The following PHLDB2 variants were observed in gnomAD, a reference collection of about 807,000 sequenced individuals.
The protein encoded by PHLDB2 is pleckstrin homology-like domain family B member 2.
Under a neutral mutation model 123.6 loss-of-function variants are expected in PHLDB2, and 71 were observed. That is an observed-to-expected ratio of 0.57 (90% CI 0.47 to 0.70). The LOEUF is 0.70. Among genes scored for constraint, PHLDB2 ranks in the 30% least tolerant of loss-of-function variants. The pLI, the probability that PHLDB2 is intolerant of heterozygous loss-of-function variation, is 0.00. For synonymous variants in PHLDB2, 547 were observed against 541.6 expected (o/e 1.01, Z -0.14); for missense variants, 1,446 against 1,519.5 (o/e 0.95, Z 0.80).
At chr3:111,751,168 G>GGGGT (rs752825947) in intron 1 of PHLDB2, among the ~76,000 whole-genome samples, 27 of 144,046 alleles carry the variant, frequency 1.9e-4, no homozygotes, top group African/African-American at 2.8e-4. Flanking sequence ...GAGACAATGG[G>GGGGT]GTGTGTGTGT....
At chr3:111,737,990 T>C (rs1214400066) in intron 1 of PHLDB2, among the ~76,000 whole-genome samples, 1 of 152,066 alleles carries the variant, frequency 6.6e-6, no homozygotes, top group African/African-American at 2.4e-5. Flanking sequence ...GGCCAGAAGA[T>C]GTTGCAGTGA....
intron 1 of PHLDB2, among the ~76,000 whole-genome samples, chr3:111,830,955 G>GAGAGAGAGAGAGAGAAAGAA (rs1553736315): frequency 4.7e-5 from 3 of 63,706 alleles, no homozygotes; most frequent in South Asian, 5.6e-4. Flanking sequence ...AAGAAAGAAA[G>GAGAGAGAGAGAGAGAAAGAA]AGAAAGAAAG....
chr3:111,946,388 G>A (rs1032486511), intron 9 of PHLDB2, among the ~76,000 whole-genome samples: 4 of 152,082 alleles, frequency 2.6e-5, no homozygotes, highest in African/African-American at 7.2e-5. Context: ...TTCTACTTAC[G>A]TGTTTGCACA....
intron 1 of PHLDB2, among the ~76,000 whole-genome samples, chr3:111,781,521 C>T (rs1382187252): frequency 1.3e-5 from 2 of 152,100 alleles, no homozygotes; most frequent in Non-Finnish European, 2.9e-5. Context: ...AGCATCTCCC[C>T]AATAACAATG....
intron 11 of PHLDB2, among the ~76,000 whole-genome samples, chr3:111,953,079 G>A (rs983266609): frequency 1.3e-5 from 2 of 152,188 alleles, no homozygotes; most frequent in African/African-American, 4.8e-5. Flanking sequence ...TGTAGCTGAC[G>A]CTGGGTTGAG....
chr3:111,830,955 G>GAAAGAAAGAA (rs1553736316), intron 1 of PHLDB2, among the ~76,000 whole-genome samples: 4 of 63,676 alleles, frequency 6.3e-5, no homozygotes, highest in East Asian at 6.1e-4. Context: ...AAGAAAGAAA[G>GAAAGAAAGAA]AGAAAGAAAG....
chr3:111,773,617 C>A (rs1204851887), intron 1 of PHLDB2, among the ~76,000 whole-genome samples: 1 of 152,208 alleles, frequency 6.6e-6, no homozygotes, highest in Non-Finnish European at 1.5e-5. Flanking sequence ...GAGACAACGA[C>A]TTCGTATCTT....
Position 111,967,539 on chromosome 3 carries a change from T to C in PHLDB2, c.3169-139T>C, listed in dbSNP as rs1031622650. On this transcript the variant is annotated intron_variant, in intron 14 of 17. Coordinates refer to ENST00000431670, the MANE Select transcript of PHLDB2 (RefSeq NM_001134438.2). ...TACCAGGCATGGTTATGAGTTGTTTTCTTGTAGGTTATGTATTATAAGAGA... is the reference window on the plus strand; with the variant it reads ...TACCAGGCATGGTTATGAGTTGTTTCCTTGTAGGTTATGTATTATAAGAGA... 3.7e-6 allele frequency: 3 copies of C among 815,868 alleles called. No individual in the cohort carries two copies. The African/African-American group carries it at 5.2e-5, about 14-fold the overall frequency. 50.5% of individuals were successfully genotyped at this position (815,868 alleles called of 1,614,324 possible).
At chr3:111,955,161 C>A (rs62277619) in intron 12 of PHLDB2, among the ~76,000 whole-genome samples, 143,774 of 148,546 alleles carry the variant, frequency 0.97, 69,535 homozygotes, top group Middle Eastern at 0.99. Flanking sequence ...ATATATATAT[C>A]TCTCACTGGA....
intron 1 of PHLDB2, among the ~76,000 whole-genome samples, chr3:111,820,488 C>T (rs2062319195): frequency 6.6e-6 from 1 of 152,138 alleles, no homozygotes; most frequent in Non-Finnish European, 1.5e-5. Context: ...GACTGAAAGT[C>T]CTCTCTTTTC....
Position 111,966,718 on chromosome 3 carries a change from T to G in PHLDB2, c.3168+15T>G. 2.5e-6 allele frequency: 4 copies of G among 1,608,196 alleles called. No individual in the cohort carries two copies. The highest frequency in any genetic ancestry group is 3.4e-6 in the Non-Finnish European group (4 of 1,176,136). ...TCGAATCCAGGGTAAGCTTCATATT[T>G]TCATGCCGGAGGTCTGTGATACCGT... On this transcript the variant is annotated intron_variant, in intron 14 of 17. Coordinates refer to ENST00000431670, the MANE Select transcript of PHLDB2 (RefSeq NM_001134438.2).
At chr3:111,776,489 C>T (rs2060270442) in intron 1 of PHLDB2, among the ~76,000 whole-genome samples, 1 of 152,112 alleles carries the variant, frequency 6.6e-6, no homozygotes, top group Non-Finnish European at 1.5e-5. Flanking sequence ...ACCTCTCACT[C>T]CAGACTAATA....
At chr3:111,789,802 G>A (rs974598846) in intron 1 of PHLDB2, among the ~76,000 whole-genome samples, 12 of 152,186 alleles carry the variant, frequency 7.9e-5, no homozygotes, top group Admixed American at 7.2e-4. Context: ...TCATCACCGG[G>A]GCTATGTGCC....
chr3:111,751,006 C>T (rs1157350396), intron 1 of PHLDB2, among the ~76,000 whole-genome samples: 1 of 151,524 alleles, frequency 6.6e-6, no homozygotes, highest in Admixed American at 6.6e-5. Flanking sequence ...ACCATATATG[C>T]CAGAGAAAGA....
At chr3:111,808,339 G>A (rs1161548882) in intron 1 of PHLDB2, among the ~76,000 whole-genome samples, 1 of 152,048 alleles carries the variant, frequency 6.6e-6, no homozygotes, top group Admixed American at 6.5e-5. Context: ...ACATGGTGTT[G>A]TATGTTTGTG....
At chr3:111,805,384 C>A (rs1019295317) in intron 1 of PHLDB2, among the ~76,000 whole-genome samples, 1 of 151,810 alleles carries the variant, frequency 6.6e-6, no homozygotes, top group African/African-American at 2.4e-5. Context: ...CATGGTGAAA[C>A]CCCGTCTTTA....
intron 2 of PHLDB2, among the ~76,000 whole-genome samples, chr3:111,891,478 A>G (rs1577010976): frequency 6.6e-6 from 1 of 150,838 alleles, no homozygotes; most frequent in Non-Finnish European, 1.5e-5. Context: ...ACTGTCTCCC[A>G]TCACTCCCAG....
At chr3:111,773,157 C>G (rs1385296655) in intron 1 of PHLDB2, among the ~76,000 whole-genome samples, 1 of 152,184 alleles carries the variant, frequency 6.6e-6, no homozygotes, top group Admixed American at 6.5e-5. Flanking sequence ...CTGATAGCAT[C>G]GCTCGAAGTG....
At chr3:111,762,913 T>C (rs944051963) in intron 1 of PHLDB2, among the ~76,000 whole-genome samples, 3 of 152,140 alleles carry the variant, frequency 2.0e-5, no homozygotes, top group Non-Finnish European at 1.5e-5. Context: ...AATTCTCCTT[T>C]TTTGAAAAAG....
Sources: allele counts gnomAD v4.1 joint callset (sites outside exome capture counted in the v4.1 genomes callset), GRCh38; gene constraint gnomAD v4.1.1; transcripts MANE v1.5; gene names NCBI Gene and HGNC (gene_info 2026-07-23, HGNC 2026-07-21).